Variants in FAM171A1 observed in about 807,000 individuals in gnomAD.
FAM171A1 encodes family with sequence similarity 171 member A1.
Under a neutral mutation model 74.9 loss-of-function variants are expected in FAM171A1, and 23 were observed. The ratio of observed to expected loss-of-function variants is 0.31; its 90% confidence interval spans 0.22 to 0.44. The LOEUF is 0.44. FAM171A1 is among the 20% of genes least tolerant of loss of function. FAM171A1 has a pLI of 1.00. For missense variants in FAM171A1, 1,162 were observed against 1,159.2 expected, an observed-to-expected ratio of 1.00 and a Z score of -0.03; for synonymous variants, 527 against 505.7, an observed-to-expected ratio of 1.04 and a Z score of -0.57.
intron 1 of FAM171A1, among the ~76,000 whole-genome samples, chr10:15,369,199 T>TTATATATATATTGAATATATATA (rs1462059727): frequency 0.042 from 6,177 of 147,308 alleles, 296 homozygotes; most frequent in African/African-American, 0.11. Context: ...CCTAAACCTG[T>TTATATATATATTGAATATATATA]TATATATATA....
At chr10:15,247,854 T>C (rs1025476539) in intron 5 of FAM171A1, among the ~76,000 whole-genome samples, 7 of 151,988 alleles carry the variant, frequency 4.6e-5, no homozygotes, top group African/African-American at 1.7e-4. Flanking sequence ...CTATGGAGGG[T>C]CCCACGTGGT....
intron 5 of FAM171A1, among the ~76,000 whole-genome samples, chr10:15,243,156 C>T (rs1462916837): frequency 1.3e-5 from 2 of 152,014 alleles, no homozygotes; most frequent in African/African-American, 2.4e-5. Context: ...CCAGTGGGTG[C>T]CTGTATTCCT....
chr10:15,285,422 CAT>C (rs1268600414), intron 1 of FAM171A1, among the ~76,000 whole-genome samples: 4 of 152,114 alleles, frequency 2.6e-5, no homozygotes, highest in Non-Finnish European at 4.4e-5. Context: ...GTTACAGAAA[CAT>C]GTGGCTCTGG....
chr10:15,352,250 A>G (rs999030519), intron 1 of FAM171A1, among the ~76,000 whole-genome samples: 30 of 152,094 alleles, frequency 2.0e-4, no homozygotes, highest in African/African-American at 7.0e-4. Context: ...AAATAAATAT[A>G]CTAATTAAAT....
At chr10:15,284,152 A>G in intron 1 of FAM171A1, 47 bp from the exon 2 acceptor site, 1 of 1,553,316 alleles carries the variant, frequency 6.4e-7, no homozygotes. Flanking sequence ...AATGGGAAAC[A>G]TTCATAGCAA....
intron 1 of FAM171A1, among the ~76,000 whole-genome samples, chr10:15,327,392 G>A (rs575521753): frequency 4.6e-5 from 7 of 152,148 alleles, no homozygotes; most frequent in South Asian, 2.1e-4. Flanking sequence ...GCTCACGTCC[G>A]TTATCTCAGC....
At chr10:15,271,758 C>A (rs1274520140) in intron 3 of FAM171A1, among the ~76,000 whole-genome samples, 1 of 152,186 alleles carries the variant, frequency 6.6e-6, no homozygotes, top group Non-Finnish European at 1.5e-5. Flanking sequence ...GAATTTTCAA[C>A]CCAGAATTTC....
chr10:15,317,135 G>A (rs1835431774), intron 1 of FAM171A1, among the ~76,000 whole-genome samples: 1 of 152,136 alleles, frequency 6.6e-6, no homozygotes. Flanking sequence ...CACAGGGAGG[G>A]GCCACCAGAC....
At chr10:15,341,657 T>A (rs547751497) in intron 1 of FAM171A1, among the ~76,000 whole-genome samples, 4 of 152,292 alleles carry the variant, frequency 2.6e-5, no homozygotes, top group African/African-American at 9.6e-5. Flanking sequence ...AGTGATACCA[T>A]CCCAGCACAG....
In FAM171A1 at chr10:15,284,015, A is replaced by T; in HGVS notation, c.188T>A (p.Ile63Lys). The T allele has an allele frequency of 6.2e-7, 1 of 1,614,158 alleles. No homozygotes were observed. Among genetic ancestry groups the T allele is most frequent in the Non-Finnish European group, 8.5e-7 (1 of 1,180,016 alleles). Residue 63 changes from isoleucine (I) to lysine (K), a missense_variant, in exon 2 of 8, where the codon ATA (isoleucine) becomes AAA (lysine). Coordinates refer to ENST00000378116, the MANE Select transcript of FAM171A1 (RefSeq NM_001010924.2). The part of the protein sequence containing the change: ...LIEIFTNQAS[I>K]ASGTSGTDGV... ...ATCAGTCCCCGAGGTGCCAGAGGCTATGGAGGCCTGGTTGGTGAAGATCTC... is the reference window on the plus strand; with the variant it reads ...ATCAGTCCCCGAGGTGCCAGAGGCTTTGGAGGCCTGGTTGGTGAAGATCTC...
At chr10:15,355,455 C>A (rs1487283635) in intron 1 of FAM171A1, among the ~76,000 whole-genome samples, 1 of 152,126 alleles carries the variant, frequency 6.6e-6, no homozygotes, top group African/African-American at 2.4e-5. Flanking sequence ...TGGTGGTTCA[C>A]GCCTGTAATC....
chr10:15,246,040 G>A (rs1834429098), intron 5 of FAM171A1, among the ~76,000 whole-genome samples: 1 of 152,122 alleles, frequency 6.6e-6, no homozygotes, highest in Admixed American at 6.5e-5. Flanking sequence ...CCCTCCTGGA[G>A]GCACAGTGTA....
chr10:15,352,893 C>A (rs1203246335), intron 1 of FAM171A1, among the ~76,000 whole-genome samples: 1 of 152,206 alleles, frequency 6.6e-6, no homozygotes, highest in Non-Finnish European at 1.5e-5. Context: ...TAAAACTATG[C>A]ACTGAGCATA....
intron 1 of FAM171A1, among the ~76,000 whole-genome samples, chr10:15,296,573 C>A (rs906786004): frequency 1.3e-5 from 2 of 152,174 alleles, no homozygotes; most frequent in African/African-American, 4.8e-5. Context: ...AAGGACTGTG[C>A]AGGCATACTT....
At chr10:15,325,666 A>C (rs781264135) in intron 1 of FAM171A1, among the ~76,000 whole-genome samples, 2 of 152,128 alleles carry the variant, frequency 1.3e-5, no homozygotes, top group Non-Finnish European at 2.9e-5. Context: ...GAGTAGAATC[A>C]AGCTTTGATA....
chr10:15,223,045 A>G (rs1038956690), intron 5 of FAM171A1, among the ~76,000 whole-genome samples: 1 of 152,220 alleles, frequency 6.6e-6, no homozygotes, highest in Non-Finnish European at 1.5e-5. Context: ...TGTTTGACAT[A>G]TTGAGGAAAA....
At chr10:15,271,305 T>C (rs1166465336) in intron 3 of FAM171A1, among the ~76,000 whole-genome samples, 3 of 152,026 alleles carry the variant, frequency 2.0e-5, no homozygotes, top group Non-Finnish European at 2.9e-5. Context: ...ATCAAATGAA[T>C]GAAATAAAGC....
intron 1 of FAM171A1, among the ~76,000 whole-genome samples, chr10:15,358,372 G>C (rs1835957016): frequency 1.3e-5 from 2 of 152,074 alleles, no homozygotes; most frequent in South Asian, 4.1e-4. Flanking sequence ...AGCAAAGAAA[G>C]CCCTCACTCT....
chr10:15,358,915 G>A (rs1184799012), intron 1 of FAM171A1, among the ~76,000 whole-genome samples: 1 of 152,188 alleles, frequency 6.6e-6, no homozygotes, highest in African/African-American at 2.4e-5. Flanking sequence ...GTGAAGTCCA[G>A]GCTGTCTCCT....
Sources: gnomAD v4.1 joint callset for allele counts (sites outside exome capture counted in the v4.1 genomes callset) on GRCh38, gnomAD v4.1.1 for gene constraint, MANE v1.5 for transcripts, NCBI Gene and HGNC (gene_info 2026-07-23, HGNC 2026-07-21) for gene names.